Variants in TRABD2B observed in about 807,000 individuals in gnomAD.
The protein encoded by TRABD2B is TraB domain containing 2B.
In TRABD2B, 14 loss-of-function variants were observed where a neutral mutation model predicts 40.1. That is an observed-to-expected ratio of 0.35 (90% CI 0.23 to 0.55). The LOEUF is 0.55. Among genes scored for constraint, TRABD2B ranks in the 20% least tolerant of loss-of-function variants. The probability of loss-of-function intolerance (pLI) is 0.90; values close to 1 mark genes in which losing one functional copy is unlikely to be tolerated. For missense variants in TRABD2B, 541 were observed against 648.6 expected (o/e 0.83, Z 1.80); for synonymous variants, 263 against 277.0 (o/e 0.95, Z 0.50).
chr1:47,791,374 T>C (rs984748262), intron 4 of TRABD2B, among the ~76,000 whole-genome samples: 13 of 152,204 alleles, frequency 8.5e-5, no homozygotes, highest in Admixed American at 7.8e-4. Context: ...TATGTTTCTA[T>C]TTCCAGAGAT....
At chr1:47,951,150 G>T (rs564586933) in intron 2 of TRABD2B, among the ~76,000 whole-genome samples, 2 of 152,160 alleles carry the variant, frequency 1.3e-5, no homozygotes, top group Admixed American at 1.3e-4. Flanking sequence ...CCTCCCCAGC[G>T]CCAAGCCAAG....
At chr1:47,921,492 A>G (rs973577646) in intron 2 of TRABD2B, among the ~76,000 whole-genome samples, 1 of 152,194 alleles carries the variant, frequency 6.6e-6, no homozygotes, top group African/African-American at 2.4e-5. Context: ...AAATGAAGTC[A>G]CTGTTTCCCT....
chr1:47,990,824 T>A (rs1374817260), intron 2 of TRABD2B, among the ~76,000 whole-genome samples: 53 of 82,430 alleles, frequency 6.4e-4, no homozygotes, highest in African/African-American at 1.5e-3. Flanking sequence ...TATATATATA[T>A]ATATATATAT....
chr1:47,782,859 T>C (rs1237090394), intron 4 of TRABD2B, among the ~76,000 whole-genome samples: 1 of 152,184 alleles, frequency 6.6e-6, no homozygotes, highest in Non-Finnish European at 1.5e-5. Flanking sequence ...CCCCACGATG[T>C]TGGGGCTCAG....
At chr1:47,852,713 G>A (rs966173913) in intron 2 of TRABD2B, among the ~76,000 whole-genome samples, 5 of 152,170 alleles carry the variant, frequency 3.3e-5, no homozygotes, top group South Asian at 2.1e-4. Context: ...AGGTACCATT[G>A]TTATCCCCAT....
At chr1:47,890,329 T>C (rs1348884426) in intron 2 of TRABD2B, among the ~76,000 whole-genome samples, 2 of 152,074 alleles carry the variant, frequency 1.3e-5, no homozygotes, top group African/African-American at 4.8e-5. Context: ...CCCCAGTTAG[T>C]AGCAATGGCC....
chr1:47,959,788 G>A (rs987810250), intron 2 of TRABD2B, among the ~76,000 whole-genome samples: 3 of 152,180 alleles, frequency 2.0e-5, no homozygotes, highest in African/African-American at 7.2e-5. Context: ...GAGGTACAAA[G>A]AGGAGCTGGT....
chr1:47,839,261 C>G (rs1645361776), intron 2 of TRABD2B, among the ~76,000 whole-genome samples: 1 of 152,112 alleles, frequency 6.6e-6, no homozygotes, highest in Admixed American at 6.5e-5. Flanking sequence ...GACACACACA[C>G]CCGTGAGCAA....
intron 2 of TRABD2B, among the ~76,000 whole-genome samples, chr1:47,938,750 C>T (rs1645146273): frequency 6.6e-6 from 1 of 152,146 alleles, no homozygotes; most frequent in Admixed American, 6.5e-5. Context: ...AAGCACACAA[C>T]ATTTGAGACC....
At chr1:47,778,095 C>T (rs1644472334) in intron 5 of TRABD2B, among the ~76,000 whole-genome samples, 1 of 152,130 alleles carries the variant, frequency 6.6e-6, no homozygotes, top group Non-Finnish European at 1.5e-5. Context: ...CAGGGCCCTG[C>T]CCATCCTCCC....
chr1:47,807,852 A>G (rs1176944765), intron 2 of TRABD2B, among the ~76,000 whole-genome samples: 1 of 152,226 alleles, frequency 6.6e-6, no homozygotes, highest in Non-Finnish European at 1.5e-5. Flanking sequence ...TATGCAGGAT[A>G]GCAGCATCAT....
At chr1:47,985,123 A>G (rs990330712) in intron 2 of TRABD2B, among the ~76,000 whole-genome samples, 11 of 152,220 alleles carry the variant, frequency 7.2e-5, no homozygotes, top group African/African-American at 2.4e-4. Flanking sequence ...AAACTGACGC[A>G]CAGACAGCTT....
chr1:47,946,103 T>C (rs1377335826), intron 2 of TRABD2B, among the ~76,000 whole-genome samples: 2 of 152,226 alleles, frequency 1.3e-5, no homozygotes, highest in Non-Finnish European at 2.9e-5. Context: ...ACTGTAGTAC[T>C]CCACTGTACT....
chr1:47,769,021 C>T (rs6693956), intron 6 of TRABD2B, among the ~76,000 whole-genome samples: 63,190 of 151,980 alleles, frequency 0.42, 14,087 homozygotes, highest in Non-Finnish European at 0.51. Flanking sequence ...TGGGTGCTTC[C>T]GGCTGAGATC....
chr1:47,960,943 AC>A (rs1471920511), intron 2 of TRABD2B, among the ~76,000 whole-genome samples: 1 of 150,732 alleles, frequency 6.6e-6, no homozygotes, highest in Admixed American at 6.6e-5. Context: ...GAGGCATCAC[AC>A]TACCTGACTT....
At chr1:47,904,479 A>G (rs1644649180) in intron 2 of TRABD2B, among the ~76,000 whole-genome samples, 1 of 152,222 alleles carries the variant, frequency 6.6e-6, no homozygotes, top group African/African-American at 2.4e-5. Flanking sequence ...GTGTTACAGC[A>G]GTGGAGCAGT....
intron 2 of TRABD2B, among the ~76,000 whole-genome samples, chr1:47,824,015 G>A (rs1330602106): frequency 6.6e-6 from 1 of 152,170 alleles, no homozygotes; most frequent in African/African-American, 2.4e-5. Context: ...GGGAATGGGT[G>A]TATCCCAAGC....
intron 2 of TRABD2B, among the ~76,000 whole-genome samples, chr1:47,850,677 C>T (rs1042834949): frequency 2.6e-5 from 4 of 152,168 alleles, no homozygotes; most frequent in African/African-American, 9.7e-5. Context: ...TGAGTGCTGC[C>T]TGGCACCACT....
intron 4 of TRABD2B, among the ~76,000 whole-genome samples, chr1:47,790,999 C>G (rs1644663649): frequency 6.6e-6 from 1 of 152,168 alleles, no homozygotes; most frequent in African/African-American, 2.4e-5. Flanking sequence ...CAGAGCCATA[C>G]TTTACACCCA....
Sources: allele counts gnomAD v4.1 joint callset (sites outside exome capture counted in the v4.1 genomes callset), GRCh38; gene constraint gnomAD v4.1.1; transcripts MANE v1.5; gene names NCBI Gene and HGNC (gene_info 2026-07-23, HGNC 2026-07-21).